C9orf85: variants seen among roughly 807,000 people sequenced by gnomAD.
The protein encoded by C9orf85 is uncharacterized protein C9orf85.
C9orf85 carries 16 observed loss-of-function variants against 14.9 expected under a neutral mutation model. The observed-to-expected ratio is 1.08, with a 90% confidence interval of 0.73 to 1.63. The LOEUF (loss-of-function observed/expected upper bound fraction) is 1.63. Among genes scored for constraint, C9orf85 ranks in the 40% most tolerant of loss-of-function variants. C9orf85 has a pLI of 0.00. For synonymous variants in C9orf85, 45 were observed against 56.8 expected (o/e 0.79, Z 0.93); for missense variants, 172 against 186.1 (o/e 0.92, Z 0.44).
chr9:71,955,894 T>C (rs1284011048), intron 2 of C9orf85, among the ~76,000 whole-genome samples: 1 of 152,222 alleles, frequency 6.6e-6, no homozygotes, highest in Non-Finnish European at 1.5e-5. Context: ...TTGTAGCATC[T>C]GAATGGAGAC....
intron 2 of C9orf85, among the ~76,000 whole-genome samples, chr9:71,971,243 G>A (rs765817862): frequency 7.2e-5 from 11 of 152,052 alleles, no homozygotes; most frequent in Non-Finnish European, 1.3e-4. Context: ...TTTGTATATT[G>A]ATCTTGTTTT....
chr9:71,954,575 C>A (rs1822337013), intron 2 of C9orf85, among the ~76,000 whole-genome samples: 1 of 152,122 alleles, frequency 6.6e-6, no homozygotes, highest in South Asian at 2.1e-4. Flanking sequence ...GCTTTTTAGA[C>A]CATGTAGGTT....
chr9:71,934,783 T>C (rs1828150297), intron 1 of C9orf85, among the ~76,000 whole-genome samples: 1 of 151,956 alleles, frequency 6.6e-6, no homozygotes. Context: ...GGTAGGAGGA[T>C]TGCTTGAGCC....
chr9:71,982,767 C>G (rs1823120775), exon 4 of C9orf85: 1 of 348,752 alleles, frequency 2.9e-6, no homozygotes. Flanking sequence ...TCTCGAGTAG[C>G]TGGGACTACA....
chr9:71,951,090 T>C (rs1314660716), intron 2 of C9orf85, among the ~76,000 whole-genome samples: 1 of 152,198 alleles, frequency 6.6e-6, no homozygotes. Context: ...TGACAGAATA[T>C]TGCATGTTTC....
downstream of C9orf85, among the ~76,000 whole-genome samples, chr9:71,976,230 T>C (rs569719074): frequency 6.6e-6 from 1 of 152,358 alleles, no homozygotes; most frequent in East Asian, 1.9e-4. Context: ...TGAATCACTT[T>C]AATGTAGTGC....
chr9:71,914,030 C>G (rs1056721547), intron 1 of C9orf85, among the ~76,000 whole-genome samples: 2 of 152,190 alleles, frequency 1.3e-5, no homozygotes, highest in Admixed American at 1.3e-4. Context: ...GTTGATTGTT[C>G]ATCTGTGTAA....
chr9:71,967,549 AG>A (rs1469925509), intron 2 of C9orf85, among the ~76,000 whole-genome samples: 7 of 152,158 alleles, frequency 4.6e-5, no homozygotes, highest in African/African-American at 1.7e-4. Flanking sequence ...ATAAAAATAC[AG>A]TTTATGTTTG....
At chr9:71,968,579 A>C (rs1467068656) in intron 2 of C9orf85, among the ~76,000 whole-genome samples, 1 of 152,196 alleles carries the variant, frequency 6.6e-6, no homozygotes, top group Non-Finnish European at 1.5e-5. Context: ...ATATGCATAG[A>C]GTTAAATCTA....
At chr9:71,959,584 T>C (rs1410002114) in intron 2 of C9orf85, among the ~76,000 whole-genome samples, 3 of 152,230 alleles carry the variant, frequency 2.0e-5, no homozygotes, top group Non-Finnish European at 4.4e-5. Flanking sequence ...AACTAGCATC[T>C]AGATTTTTTA....
At chr9:71,934,776 A>G (rs1315565906) in intron 1 of C9orf85, among the ~76,000 whole-genome samples, 2 of 152,084 alleles carry the variant, frequency 1.3e-5, no homozygotes, top group Admixed American at 1.3e-4. Flanking sequence ...AGGCTGAGGT[A>G]GGAGGATTGC....
chr9:71,957,164 G>A (rs946803867), intron 2 of C9orf85, among the ~76,000 whole-genome samples: 2 of 152,208 alleles, frequency 1.3e-5, no homozygotes, highest in East Asian at 3.9e-4. Context: ...ACATAGCAAT[G>A]TGATTATTTA....
chr9:71,975,466 C>CA (rs1371253542), downstream of C9orf85, among the ~76,000 whole-genome samples: 1 of 146,664 alleles, frequency 6.8e-6, no homozygotes, highest in Non-Finnish European at 1.5e-5. Context: ...AACGTGGAGA[C>CA]AAAAATGAAT....
At chr9:71,959,464 CAT>C (rs1337242015) in intron 2 of C9orf85, among the ~76,000 whole-genome samples, 4 of 152,110 alleles carry the variant, frequency 2.6e-5, no homozygotes, top group Non-Finnish European at 5.9e-5. Context: ...ACCTCTGTCA[CAT>C]ATGTTGGATT....
intron 2 of C9orf85, among the ~76,000 whole-genome samples, chr9:71,951,899 C>T (rs879824647): frequency 2.0e-5 from 3 of 151,468 alleles, no homozygotes; most frequent in Non-Finnish European, 2.9e-5. Flanking sequence ...AAAAAATAAA[C>T]GTAAAAATAT....
At chr9:71,956,830 A>T (rs970510300) in intron 2 of C9orf85, among the ~76,000 whole-genome samples, 1 of 152,182 alleles carries the variant, frequency 6.6e-6, no homozygotes, top group African/African-American at 2.4e-5. Flanking sequence ...AGAGTCTTTG[A>T]CTTGCTCATA....
At chr9:71,961,309 C>A (rs1225974582) in intron 2 of C9orf85, among the ~76,000 whole-genome samples, 1 of 152,022 alleles carries the variant, frequency 6.6e-6, no homozygotes, top group African/African-American at 2.4e-5. Context: ...CACCTGTTAT[C>A]CCAGCACTTT....
chr9:71,944,106 C>T (rs1589257691), intron 1 of C9orf85, among the ~76,000 whole-genome samples: 1 of 151,516 alleles, frequency 6.6e-6, no homozygotes, highest in Admixed American at 6.6e-5. Flanking sequence ...TGCTGGTGCA[C>T]GCCTGTAATC....
In C9orf85 at chr9:71,915,414, C is replaced by T. The variant is rs374562762; in HGVS notation, c.102+3578C>T. 1.1e-4 allele frequency among the ~76,000 whole-genome samples: 16 copies of T among 151,990 alleles called. 1 individual carries two copies. Among genetic ancestry groups the T allele is most frequent in the Admixed American group, 2.6e-4 (4 of 15,262 alleles). ...CAGGTTGGTCACTCCTGACCTCAAG[C>T]GATCTGCCCACCTTGGCCTCCCAAG... On this transcript the variant is annotated intron_variant, in intron 1 of 3. Transcript: ENST00000334731.
Sources: allele counts gnomAD v4.1 joint callset (sites outside exome capture counted in the v4.1 genomes callset), GRCh38; gene constraint gnomAD v4.1.1; transcripts MANE v1.5; gene names NCBI Gene and HGNC (gene_info 2026-07-23, HGNC 2026-07-21).